MTHFD1L: variants seen among roughly 807,000 people sequenced by gnomAD.
MTHFD1L encodes monofunctional C1-tetrahydrofolate synthase, mitochondrial.
MTHFD1L carries 81 observed loss-of-function variants against 119.5 expected under a neutral mutation model. The ratio of observed to expected loss-of-function variants is 0.68; its 90% CI spans 0.57 to 0.82. MTHFD1L has a LOEUF of 0.82. Ranked by LOEUF, MTHFD1L falls within the 40% of genes least tolerant of loss-of-function variation. The pLI is 0.00. For missense variants in MTHFD1L, 1,125 were observed against 1,253.4 expected (o/e 0.90, Z 1.55); for synonymous variants, 430 against 475.2 (o/e 0.90, Z 1.24).
chr6:151,038,618 G>A (rs1040762958), intron 26 of MTHFD1L, among the ~76,000 whole-genome samples: 1 of 152,166 alleles, frequency 6.6e-6, no homozygotes, highest in African/African-American at 2.4e-5. Context: ...GTGGTCTGAT[G>A]TGTATTTTAG....
At chr6:151,099,453 C>CT (rs373291011) in intron 27 of MTHFD1L, 93,412 of 851,608 alleles carry the variant, frequency 0.11, 889 homozygotes, top group Admixed American at 0.16. Context: ...GAAATATTTT[C>CT]TTTTTTTTTT....
Position 150,898,861 on chromosome 6 carries a change from C to T in MTHFD1L, c.781-6789C>T, listed in dbSNP as rs187757722. 2.3e-4 allele frequency: 89 copies of T among 380,718 alleles called. 2 individuals carry two copies. Among genetic ancestry groups the T allele is most frequent in the Non-Finnish European group, 3.1e-4 (65 of 208,778 alleles). The allele number at this position is 380,718 out of a possible 1,614,324, so 23.6% of individuals were successfully genotyped here. A position where few individuals can be genotyped will look rare whatever the true frequency, so the allele number is the denominator to read the frequency against. On this transcript the variant is annotated intron_variant, in intron 7 of 27. Transcript: ENST00000367321. The stretch of plus-strand genomic sequence containing the variant: ...TATTATTATTATTTTCTTTTTCAGA[C>T]GGAGTCTCGTTCTGTCACCAGGCTG...
intron 19 of MTHFD1L, among the ~76,000 whole-genome samples, chr6:150,966,413 C>T (rs968143635): frequency 6.6e-6 from 1 of 152,192 alleles, no homozygotes; most frequent in Non-Finnish European, 1.5e-5. Context: ...GGGAAATTCA[C>T]TCCCAGAATC....
intron 1 of MTHFD1L, among the ~76,000 whole-genome samples, chr6:150,870,819 G>C (rs1419496466): frequency 6.6e-6 from 1 of 151,668 alleles, no homozygotes; most frequent in Non-Finnish European, 1.5e-5. Flanking sequence ...GCTGAGGCAG[G>C]AGAATCGCTT....
At chr6:150,905,856 T>TGACGACTGCTAACATTTC in intron 8 of MTHFD1L, 95 bp downstream of exon 8, 3 of 1,000,376 alleles carry the variant, frequency 3.0e-6, no homozygotes, top group Non-Finnish European at 4.7e-6. Context: ...TCTGAAATGT[T>TGACGACTGCTAACATTTC]AGCAGTCGTC....
At chr6:151,032,560 T>C (rs905331026) in intron 24 of MTHFD1L, among the ~76,000 whole-genome samples, 2 of 152,182 alleles carry the variant, frequency 1.3e-5, no homozygotes, top group African/African-American at 4.8e-5. Context: ...GGGACCACCA[T>C]CCAAACCACA....
In MTHFD1L at chr6:151,090,896, C is replaced by CCCATGCGACTGGGTGCAGCATCGTT. The variant is rs1562651236; in HGVS notation, c.2848-1522_2848-1498dup. ...CCCATGCGACTGGGTGCAGCATTGC[C>CCCATGCGACTGGGTGCAGCATCGTT]CCATGCGACTGGGTGCAGCATCGTT... On this transcript the variant is annotated intron_variant, in intron 26 of 27. Coordinates refer to ENST00000367321, the MANE Select transcript of MTHFD1L (RefSeq NM_015440.5). 5.7e-3 allele frequency among the ~76,000 whole-genome samples: 377 copies of CCCATGCGACTGGGTGCAGCATCGTT among 66,332 alleles called. 78 individuals carry two copies. The highest frequency in any genetic ancestry group is 0.015 in the African/African-American group (302 of 19,756). 43.5% of individuals were successfully genotyped at this position (66,332 alleles called of 152,430 possible).
intron 1 of MTHFD1L, chr6:150,866,587 G>T: frequency 2.4e-6 from 3 of 1,226,772 alleles, no homozygotes; most frequent in Non-Finnish European, 3.0e-6. Context: ...GGCCCCTCCT[G>T]CTGGGCTGGG....
At chr6:150,882,946 T>A in intron 5 of MTHFD1L, 60 bp downstream of exon 5, 1 of 1,417,890 alleles carries the variant, frequency 7.1e-7, no homozygotes, top group Non-Finnish European at 9.5e-7. Flanking sequence ...CTATTGTGCC[T>A]GCTTTTATTT....
intron 7 of MTHFD1L, among the ~76,000 whole-genome samples, chr6:150,903,972 T>C (rs1234564534): frequency 6.6e-6 from 1 of 152,218 alleles, no homozygotes; most frequent in Non-Finnish European, 1.5e-5. Flanking sequence ...ATTTTTATCG[T>C]GCTCCTCCTC....
intron 26 of MTHFD1L, among the ~76,000 whole-genome samples, chr6:151,053,044 T>C (rs1302675816): frequency 1.3e-5 from 2 of 152,198 alleles, no homozygotes; most frequent in African/African-American, 4.8e-5. Context: ...TTGCTACAGA[T>C]CAAAAGTTGT....
intron 7 of MTHFD1L, among the ~76,000 whole-genome samples, chr6:150,889,656 C>T (rs1562323196): frequency 6.6e-6 from 1 of 152,178 alleles, no homozygotes; most frequent in Admixed American, 6.5e-5. Context: ...GTTTAAAAGA[C>T]ACGTGAAAAG....
chr6:150,924,661 A>C (rs569198965), intron 10 of MTHFD1L, among the ~76,000 whole-genome samples: 13 of 152,044 alleles, frequency 8.6e-5, no homozygotes, highest in Non-Finnish European at 2.9e-5. Context: ...TATTTTTAGT[A>C]GAGACGGGAT....
Position 150,971,950 on chromosome 6 carries a change from A to T in MTHFD1L, c.2017A>T (p.Thr673Ser). Residue 673 changes from threonine to serine, a missense_variant, in exon 20 of 28, where the codon ACA (threonine) becomes TCA (serine). Physicochemically the swap from Thr to Ser is moderately conservative, Grantham distance 58. Around this residue, in one of 3 missense-constraint regions of MTHFD1L, gnomAD observed 1,058 missense variants for 1,151.2 expected, o/e 0.92. Coordinates refer to ENST00000367321, the MANE Select transcript of MTHFD1L (RefSeq NM_015440.5). ...KPNLMQTLEG[T>S]PVFVHAGPFA... ...ATTTGCTTTTTCACTTCTCTAGGGG[A>T]CACCTGTGTTCGTGCATGCGGGCCC... The T allele has an allele frequency of 6.2e-7, 1 of 1,613,748 alleles. No homozygotes were observed. Among genetic ancestry groups the T allele is most frequent in the Non-Finnish European group, 8.5e-7 (1 of 1,179,864 alleles).
intron 24 of MTHFD1L, among the ~76,000 whole-genome samples, chr6:151,026,988 C>A (rs1645299927): frequency 6.6e-6 from 1 of 151,794 alleles, no homozygotes; most frequent in Admixed American, 6.6e-5. Context: ...GCCACCACTC[C>A]CAGCTAATTT....
At chr6:150,999,367 G>A (rs1201640800) in intron 20 of MTHFD1L, among the ~76,000 whole-genome samples, 4 of 152,122 alleles carry the variant, frequency 2.6e-5, no homozygotes, top group Non-Finnish European at 5.9e-5. Context: ...ACTTCCTGGT[G>A]TCCAGTTCTC....
intron 11 of MTHFD1L, among the ~76,000 whole-genome samples, chr6:150,932,786 GAAA>G (rs1453667978): frequency 7.2e-6 from 1 of 138,442 alleles, no homozygotes; most frequent in African/African-American, 2.7e-5. Context: ...AAAAAAAAGA[GAAA>G]GGAAGAAAGG....
In MTHFD1L at chr6:150,938,743, G is replaced by T. The variant is rs1370596079; in HGVS notation, c.1438G>T (p.Glu480Ter). Residue 480 changes from glutamate to a stop codon, truncating the protein, a stop_gained and splice_region_variant, in exon 13 of 28, where the codon GAG becomes TAG. Transcript: ENST00000367321. LOFTEE classifies it high-confidence loss of function. Reference protein sequence around the residue: ...GGYAQVIPMEEFNLHLTGDIH... With the variant: ...GGYAQVIPME The stretch of plus-strand genomic sequence containing the variant: ...ATATGCCCAGGTCATCCCCATGGAG[G>T]AGGTAAGACCTTGAAGAGATGCGGG... 2 of 1,608,098 alleles carry T rather than the reference G, an allele frequency of 1.2e-6. No individual in the cohort carries two copies. Among genetic ancestry groups the T allele is most frequent in the Non-Finnish European group, 1.7e-6 (2 of 1,177,456 alleles).
chr6:150,989,017 G>A (rs1778706946), intron 20 of MTHFD1L, among the ~76,000 whole-genome samples: 1 of 152,268 alleles, frequency 6.6e-6, no homozygotes, highest in African/African-American at 2.4e-5. Flanking sequence ...TGGGATTACA[G>A]GCGTGAGCCA....
Sources: gnomAD v4.1 joint callset for allele counts (sites outside exome capture counted in the v4.1 genomes callset) on GRCh38, gnomAD v4.1.1 for gene constraint, gnomAD v4.1.1 regional missense constraint, MANE v1.5 for transcripts, NCBI Gene and HGNC (gene_info 2026-07-23, HGNC 2026-07-21) for gene names.